SYTL5: variants seen among roughly 807,000 people sequenced by gnomAD.
The protein encoded by SYTL5 is synaptotagmin-like protein 5.
Under a neutral mutation model 55.9 loss-of-function variants are expected in SYTL5, and 34 were observed. The observed-to-expected ratio is 0.61, with a 90% CI of 0.46 to 0.81. The LOEUF (loss-of-function observed/expected upper bound fraction) is 0.81. SYTL5 is among the 30% of genes least tolerant of loss of function. SYTL5 has a pLI of 0.00. For synonymous variants in SYTL5, 221 were observed against 188.7 expected (o/e 1.17, Z -1.40); for missense variants, 637 against 546.7 (o/e 1.17, Z -1.65).
At chrX:37,899,308 C>G in the SYTL5 span, among the ~76,000 whole-genome samples, 1 of 111,326 alleles carries the variant, frequency 9.0e-6, no homozygotes, top group Non-Finnish European at 1.9e-5. Flanking sequence ...CTCAAGCATC[C>G]TCCTGCCTCA....
intron 1 of SYTL5, among the ~76,000 whole-genome samples, chrX:38,010,558 C>A (rs1438842224): frequency 8.9e-6 from 1 of 111,906 alleles, no homozygotes; most frequent in African/African-American, 3.3e-5. Context: ...GTTAGATTGC[C>A]CTTTTGTGTT....
chrX:37,945,624 T>TA, the SYTL5 span, among the ~76,000 whole-genome samples: 1 of 111,886 alleles, frequency 8.9e-6, no homozygotes, highest in Non-Finnish European at 1.9e-5. Context: ...AATTGGGCCT[T>TA]AAAATTCCAT....
upstream of SYTL5, among the ~76,000 whole-genome samples, chrX:38,004,047 T>C (rs1933926844): frequency 8.9e-6 from 1 of 112,344 alleles, no homozygotes; most frequent in Non-Finnish European, 1.9e-5. Flanking sequence ...ATTATATTTT[T>C]CCCTATAGAG....
At chrX:37,892,441 G>C in the SYTL5 span, among the ~76,000 whole-genome samples, 1 of 101,636 alleles carries the variant, frequency 9.8e-6, no homozygotes, top group Non-Finnish European at 2.0e-5. Context: ...CTATAAGTTT[G>C]AATAACACCT....
chrX:37,996,612 C>A, the SYTL5 span, among the ~76,000 whole-genome samples: 2 of 112,662 alleles, frequency 1.8e-5, no homozygotes, highest in Non-Finnish European at 3.8e-5. Flanking sequence ...GATAGACAAG[C>A]CCCAGAGTCA....
At chrX:38,082,093 C>A (rs778648001) in intron 6 of SYTL5, among the ~76,000 whole-genome samples, 20 of 111,935 alleles carry the variant, frequency 1.8e-4, no homozygotes, top group Non-Finnish European at 3.2e-4. Context: ...TGACTTTCCT[C>A]ATTATAATGT....
chrX:38,126,861 A>G lies in SYTL5; in HGVS notation c.*131A>G. 3 of 636,712 alleles carry G rather than the reference A, an allele frequency of 4.7e-6. No individual in the cohort carries two copies. The highest frequency in any genetic ancestry group is 4.7e-6 in the Non-Finnish European group (2 of 430,050). 52.5% of individuals were successfully genotyped at this position (636,712 alleles called of 1,213,427 possible). ...TGACAGTGTTGGGACATGAGGGGAG[A>G]GATGTCAGTAGTATGAACATTTAGG... On this transcript the variant is annotated 3_prime_UTR_variant, in exon 17 of 17. Transcript: ENST00000297875.
intron 1 of SYTL5, among the ~76,000 whole-genome samples, chrX:38,012,963 G>A (rs1271557851): frequency 8.9e-6 from 1 of 112,194 alleles, no homozygotes; most frequent in Non-Finnish European, 1.9e-5. Context: ...ACCATTTTGT[G>A]ATGAAGAATC....
At position 38,054,386 on chromosome X, in the gene SYTL5, A is replaced by G. The variant is rs144103691; in HGVS notation, c.293A>G (p.Asn98Ser). The G allele has an allele frequency of 8.2e-4, 996 of 1,209,625 alleles. 2 individuals are homozygous for G. In the African/African-American group the frequency reaches 0.01, roughly 13 times the overall value. ...VCRECRVAGP[N>S]GSWKCTVCDK... The stretch of plus-strand genomic sequence containing the variant: ...AGGGAGTGTCGAGTTGCAGGCCCCA[A>G]TGGCAGCTGGAAGTGCACTGTCTGT... The change falls in exon 3 of 17, where the codon AAT (asparagine) becomes AGT (serine). Residue 98 changes from asparagine (N) to serine (S), a missense_variant. Physicochemically the swap from Asn to Ser is conservative, Grantham distance 46. Coordinates refer to ENST00000297875, the MANE Select transcript of SYTL5 (RefSeq NM_138780.3).
At chrX:37,935,922 A>C in the SYTL5 span, among the ~76,000 whole-genome samples, 1 of 112,248 alleles carries the variant, frequency 8.9e-6, no homozygotes, top group Non-Finnish European at 1.9e-5. Context: ...AATATAAGTG[A>C]ATTAAACAGC....
the SYTL5 span, among the ~76,000 whole-genome samples, chrX:37,923,028 T>C: frequency 8.9e-6 from 1 of 112,308 alleles, no homozygotes; most frequent in East Asian, 2.8e-4. Flanking sequence ...GGATTTACAA[T>C]GCAGAAAGGA....
At chrX:38,033,158 G>A (rs1935007910) in intron 1 of SYTL5, among the ~76,000 whole-genome samples, 1 of 111,624 alleles carries the variant, frequency 9.0e-6, no homozygotes, top group Admixed American at 9.6e-5. Flanking sequence ...AAGGAAGAAA[G>A]AAGGAGGGAG....
chrX:38,012,130 T>G (rs941777682), intron 1 of SYTL5, among the ~76,000 whole-genome samples: 1 of 112,300 alleles, frequency 8.9e-6, no homozygotes, highest in Non-Finnish European at 1.9e-5. Context: ...TCTAACAGAA[T>G]GCCAGGAAAC....
chrX:38,056,752 G>C (rs1189887935), intron 3 of SYTL5, among the ~76,000 whole-genome samples: 1 of 111,909 alleles, frequency 8.9e-6, no homozygotes, highest in Admixed American at 9.5e-5. Flanking sequence ...TTTGCCATTT[G>C]TATGTCTTCT....
At chrX:38,001,110 A>G in the SYTL5 span, among the ~76,000 whole-genome samples, 1 of 110,931 alleles carries the variant, frequency 9.0e-6, no homozygotes, top group East Asian at 2.9e-4. Flanking sequence ...TCACAGGCCC[A>G]GGGGTGGAGC....
intron 1 of SYTL5, among the ~76,000 whole-genome samples, chrX:38,020,293 T>C (rs1030825656): frequency 9.2e-6 from 1 of 108,132 alleles, no homozygotes; most frequent in Non-Finnish European, 1.9e-5. Context: ...TGTAAAAACA[T>C]ATAAAGAAAA....
the SYTL5 span, among the ~76,000 whole-genome samples, chrX:37,952,764 A>G: frequency 9.0e-6 from 1 of 111,446 alleles, no homozygotes; most frequent in African/African-American, 3.3e-5. Context: ...CAGCTGGAAA[A>G]GAGAGAAAAT....
intron 1 of SYTL5, among the ~76,000 whole-genome samples, chrX:38,010,684 T>A (rs1378111665): frequency 9.0e-6 from 1 of 111,622 alleles, no homozygotes; most frequent in Admixed American, 9.5e-5. Context: ...TCTTTAACAG[T>A]CATATGCTTA....
At chrX:38,110,924 G>C (rs1448013468) in intron 13 of SYTL5, among the ~76,000 whole-genome samples, 1 of 111,613 alleles carries the variant, frequency 9.0e-6, no homozygotes, top group Non-Finnish European at 1.9e-5. Flanking sequence ...ATAACCAGTA[G>C]CTAAAGTATC....
Sources: allele counts gnomAD v4.1 joint callset (sites outside exome capture counted in the v4.1 genomes callset), GRCh38; gene constraint gnomAD v4.1.1; transcripts MANE v1.5; gene names NCBI Gene and HGNC (gene_info 2026-07-23, HGNC 2026-07-21).